IL1RAPL2: variants seen among roughly 807,000 people sequenced by gnomAD.
IL1RAPL2 encodes interleukin 1 receptor accessory protein like 2.
Under a neutral mutation model 44.1 loss-of-function variants are expected in IL1RAPL2, and 3 were observed. The ratio of observed to expected loss-of-function variants is 0.07; its 90% confidence interval spans 0.03 to 0.18. IL1RAPL2 has a LOEUF of 0.18. Among genes scored for constraint, IL1RAPL2 ranks in the 10% least tolerant of loss-of-function variants. The pLI, the probability that IL1RAPL2 is intolerant of heterozygous loss-of-function variation, is 1.00. For synonymous variants in IL1RAPL2, 181 were observed against 178.8 expected, an observed-to-expected ratio of 1.01 and a Z score of -0.10; for missense variants, 391 against 496.4, an observed-to-expected ratio of 0.79 and a Z score of 2.02.
At chrX:105,382,037 A>G (rs1003255841) in intron 5 of IL1RAPL2, among the ~76,000 whole-genome samples, 6 of 111,725 alleles carry the variant, frequency 5.4e-5, no homozygotes, top group Admixed American at 3.8e-4. Flanking sequence ...CTTAGGCAAT[A>G]CCATTCAGGA....
chrX:105,115,786 G>A (rs1310409014), intron 2 of IL1RAPL2, among the ~76,000 whole-genome samples: 2 of 112,962 alleles, frequency 1.8e-5, no homozygotes, highest in East Asian at 2.8e-4. Context: ...GGGACTGGGC[G>A]CCCTGGAGCA....
intron 2 of IL1RAPL2, among the ~76,000 whole-genome samples, chrX:104,897,456 T>A (rs1356012784): frequency 3.6e-5 from 4 of 112,197 alleles, no homozygotes; most frequent in Non-Finnish European, 7.5e-5. Context: ...TAAAAATTTC[T>A]GGGCTCATAA....
intron 2 of IL1RAPL2, among the ~76,000 whole-genome samples, chrX:104,758,637 A>G (rs1041077392): frequency 3.6e-5 from 4 of 111,949 alleles, no homozygotes; most frequent in Non-Finnish European, 7.5e-5. Flanking sequence ...GTTTTGAGCT[A>G]TGGCATTTGC....
intron 5 of IL1RAPL2, among the ~76,000 whole-genome samples, chrX:105,424,198 A>G (rs1394403028): frequency 1.8e-5 from 2 of 112,399 alleles, no homozygotes; most frequent in Admixed American, 9.4e-5. Context: ...ACATGTGCCT[A>G]AGGTGGTCAG....
At chrX:104,610,492 G>T (rs1929129022) in intron 1 of IL1RAPL2, among the ~76,000 whole-genome samples, 1 of 111,643 alleles carries the variant, frequency 9.0e-6, no homozygotes, top group Non-Finnish European at 1.9e-5. Flanking sequence ...CTAATAATAG[G>T]CAGACAGCCA....
intron 2 of IL1RAPL2, among the ~76,000 whole-genome samples, chrX:105,120,329 C>G (rs892320098): frequency 9.1e-6 from 1 of 109,777 alleles, no homozygotes; most frequent in Admixed American, 9.9e-5. Flanking sequence ...AAGAATTACT[C>G]TCTCATCTGA....
chrX:104,905,796 T>G (rs1203717948), intron 2 of IL1RAPL2, among the ~76,000 whole-genome samples: 1 of 111,479 alleles, frequency 9.0e-6, no homozygotes, highest in African/African-American at 3.3e-5. Flanking sequence ...GGCTCTTTTT[T>G]GGTTCCCTAT....
chrX:104,678,573 T>C (rs745943925), intron 2 of IL1RAPL2, among the ~76,000 whole-genome samples: 1 of 112,105 alleles, frequency 8.9e-6, no homozygotes, highest in African/African-American at 3.2e-5. Context: ...GTCACTCTAA[T>C]TTCTGCTTTG....
chrX:105,067,807 G>GCA (rs1045609462), intron 2 of IL1RAPL2, among the ~76,000 whole-genome samples: 2 of 104,172 alleles, frequency 1.9e-5, no homozygotes, highest in African/African-American at 8.4e-5. Flanking sequence ...GCGCATGCAT[G>GCA]CACACACACA....
At chrX:105,079,021 T>C (rs1051476602) in intron 2 of IL1RAPL2, among the ~76,000 whole-genome samples, 4 of 112,143 alleles carry the variant, frequency 3.6e-5, no homozygotes, top group Non-Finnish European at 7.5e-5. Flanking sequence ...TCACACACAG[T>C]GCACTGCATC....
chrX:105,655,983 CTG>C (rs1198253814), intron 6 of IL1RAPL2, among the ~76,000 whole-genome samples: 2 of 111,692 alleles, frequency 1.8e-5, no homozygotes, highest in Non-Finnish European at 3.8e-5. Context: ...CAATTACACT[CTG>C]TAAGTTATTT....
chrX:105,034,044 G>A (rs1048890090), intron 2 of IL1RAPL2, among the ~76,000 whole-genome samples: 4 of 111,827 alleles, frequency 3.6e-5, no homozygotes, highest in South Asian at 3.7e-4. Context: ...CATTCTTCAC[G>A]TAGTTCTGGA....
At chrX:104,646,097 T>A (rs755935226) in intron 1 of IL1RAPL2, among the ~76,000 whole-genome samples, 18 of 112,031 alleles carry the variant, frequency 1.6e-4, no homozygotes, top group Non-Finnish European at 3.8e-5. Flanking sequence ...AAAGCAAGCT[T>A]ATGAAATATT....
At chrX:105,364,304 G>A (rs1450274484) in intron 5 of IL1RAPL2, among the ~76,000 whole-genome samples, 3 of 111,466 alleles carry the variant, frequency 2.7e-5, no homozygotes, top group Non-Finnish European at 5.7e-5. Flanking sequence ...CCAGTACAAT[G>A]CTGTTTTGAT....
At chrX:105,700,506 G>A (rs1355455468) in intron 6 of IL1RAPL2, among the ~76,000 whole-genome samples, 2 of 111,189 alleles carry the variant, frequency 1.8e-5, no homozygotes, top group African/African-American at 6.5e-5. Flanking sequence ...ATTCTCCCAG[G>A]CAATGGGGGT....
At chrX:105,078,586 A>C (rs957566851) in intron 2 of IL1RAPL2, among the ~76,000 whole-genome samples, 7 of 112,065 alleles carry the variant, frequency 6.2e-5, no homozygotes, top group Non-Finnish European at 1.1e-4. Context: ...TTAAGACTGC[A>C]GACGTTATTG....
intron 2 of IL1RAPL2, among the ~76,000 whole-genome samples, chrX:104,705,293 T>C (rs1931346842): frequency 9.0e-6 from 1 of 111,119 alleles, no homozygotes; most frequent in South Asian, 3.8e-4. Context: ...TCTAATAACG[T>C]GCAACTGTGG....
intron 2 of IL1RAPL2, among the ~76,000 whole-genome samples, chrX:104,761,821 CCTTCTCCTT>C (rs1411701558): frequency 1.1e-3 from 81 of 71,085 alleles, no homozygotes; most frequent in African/African-American, 6.3e-3. Flanking sequence ...TCTTTCTCCT[CCTTCTCCTT>C]CTTCTCCTTC....
At position 105,740,623 on chromosome X, in the gene IL1RAPL2, C is replaced by A; in HGVS notation, c.980C>A (p.Ala327Glu). 1 of 1,206,429 alleles carries A rather than the reference C, an allele frequency of 8.3e-7. No individual in the cohort carries two copies. The highest frequency in any genetic ancestry group is 1.1e-6 in the Non-Finnish European group (1 of 891,730). ...IFDSVVEADL[A>E]NYTCHVENRN... ...GACTCAGTTGTGGAAGCTGACCTGG[C>A]GAATTATACCTGCCATGTTGAAAAC... The change falls in exon 8 of 11, where the codon GCG becomes GAG. Residue 327 changes from alanine to glutamate, a missense_variant. Ala to Glu is a moderately radical substitution (Grantham distance 107, BLOSUM62 -1). Around this residue, in one of 2 missense-constraint regions of IL1RAPL2, gnomAD observed 159 missense variants for 251.7 expected, o/e 0.63. Coordinates refer to ENST00000372582, the MANE Select transcript of IL1RAPL2 (RefSeq NM_017416.2).
Sources: allele counts gnomAD v4.1 joint callset (sites outside exome capture counted in the v4.1 genomes callset), GRCh38; gene constraint gnomAD v4.1.1; regional missense constraint gnomAD v4.1.1; transcripts MANE v1.5; gene names NCBI Gene and HGNC (gene_info 2026-07-23, HGNC 2026-07-21).